RFX8: variants seen among roughly 807,000 people sequenced by gnomAD.
RFX8 encodes DNA-binding protein RFX8.
A neutral mutation model predicts 54.6 loss-of-function variants in RFX8; 46 were observed. The observed-to-expected ratio is 0.84, with a 90% confidence interval of 0.67 to 1.08. The LOEUF is 1.08. RFX8 is among the 50% of genes least tolerant of loss of function. The pLI is 0.00. For synonymous variants in RFX8, 192 were observed against 209.5 expected (o/e 0.92, Z 0.72); for missense variants, 536 against 562.3 (o/e 0.95, Z 0.47).
chr2:101,458,650 C>T (rs1301602232), intron 2 of RFX8, among the ~76,000 whole-genome samples: 1 of 152,148 alleles, frequency 6.6e-6, no homozygotes, highest in Non-Finnish European at 1.5e-5. Context: ...ACACTTTTTC[C>T]TTCATTTCAA....
At chr2:101,446,332 C>T (rs191795048) in intron 2 of RFX8, among the ~76,000 whole-genome samples, 1 of 152,230 alleles carries the variant, frequency 6.6e-6, no homozygotes, top group Non-Finnish European at 1.5e-5. Flanking sequence ...CGTGCCACCA[C>T]ACCTGGCTAA....
Position 101,421,754 on chromosome 2 carries a change from GT to G in RFX8, c.206del (p.Tyr69SerfsTer30). ...CNMMAFLADE[Y>X]CNYCRDILRN... ...GTAAAATGTCTCGACAATAGTTGCA[GT>G]ATTCGTCAGCAAGGAAGGCCATCTA... On this transcript the variant is annotated frameshift_variant, in exon 4 of 12. Coordinates refer to ENST00000428343, the MANE Select transcript of RFX8 (RefSeq NM_001145664.2). LOFTEE classifies it high-confidence loss of function. 1 of 1,550,088 alleles carries G rather than the reference GT, an allele frequency of 6.5e-7. No homozygotes were observed.
At chr2:101,427,709 A>T (rs745955688) in intron 2 of RFX8, among the ~76,000 whole-genome samples, 6 of 150,606 alleles carry the variant, frequency 4.0e-5, no homozygotes, top group South Asian at 2.1e-4. Flanking sequence ...CCTCTCCCGG[A>T]CCCCCAATTT....
rs372663857 is a variant in RFX8 at position 101,431,560 on chromosome 2, T to C, written c.73-9088A>G. On this transcript the variant is annotated intron_variant, in intron 2 of 11. Transcript: ENST00000428343. The stretch of plus-strand genomic sequence containing the variant: ...GACATTGATCCTCATGGGGCATTCC[T>C]ATAGGTACTCAGAAACAGATATTTC... 1.1e-4 allele frequency among the ~76,000 whole-genome samples: 17 copies of C among 152,196 alleles called. No homozygotes were observed. The East Asian group carries it at 1.9e-3, about 17-fold the overall frequency.
intron 10 of RFX8, among the ~76,000 whole-genome samples, chr2:101,403,136 C>T (rs908125): frequency 0.48 from 72,492 of 152,016 alleles, 17,886 homozygotes; most frequent in Non-Finnish European, 0.52. Flanking sequence ...TGGGAGGAAA[C>T]GGGGGCAGTG....
At chr2:101,472,743 C>T (rs1312772603) in intron 1 of RFX8, among the ~76,000 whole-genome samples, 2 of 152,224 alleles carry the variant, frequency 1.3e-5, no homozygotes, top group South Asian at 2.1e-4. Context: ...GAAGGCCCAG[C>T]GTGGTGGCTC....
chr2:101,430,963 T>C (rs372185156), intron 2 of RFX8, among the ~76,000 whole-genome samples: 10 of 152,336 alleles, frequency 6.6e-5, no homozygotes, highest in African/African-American at 2.4e-4. Flanking sequence ...TAAAAATTAG[T>C]TGTGAGACTT....
intron 2 of RFX8, among the ~76,000 whole-genome samples, chr2:101,433,059 A>G (rs561353282): frequency 2.5e-3 from 377 of 152,248 alleles, no homozygotes; most frequent in African/African-American, 8.4e-3. Context: ...AGAAGAGCCC[A>G]GATGGGGAAG....
At chr2:101,398,887 C>G (rs774896103) in intron 11 of RFX8, among the ~76,000 whole-genome samples, 2 of 152,140 alleles carry the variant, frequency 1.3e-5, no homozygotes, top group Non-Finnish European at 2.9e-5. Context: ...TCTCTAAATT[C>G]GACAAAAACC....
intron 2 of RFX8, among the ~76,000 whole-genome samples, chr2:101,451,149 A>G (rs1448645887): frequency 6.6e-6 from 1 of 152,158 alleles, no homozygotes; most frequent in Non-Finnish European, 1.5e-5. Flanking sequence ...AGGGGACTAT[A>G]GCAGCTTGTC....
chr2:101,397,840 A>G, intron 11 of RFX8, 116 bp from the exon 12 acceptor site: 1 of 808,874 alleles, frequency 1.2e-6, no homozygotes. Context: ...CTGGGATGTA[A>G]AGGAGAAGTT....
intron 1 of RFX8, among the ~76,000 whole-genome samples, chr2:101,468,991 AGT>A (rs1689739512): frequency 2.2e-4 from 28 of 125,080 alleles, no homozygotes; most frequent in African/African-American, 8.7e-4. Context: ...TATATATATA[AGT>A]ATATATATAC....
intron 1 of RFX8, among the ~76,000 whole-genome samples, chr2:101,472,098 T>C (rs1417337543): frequency 6.6e-6 from 1 of 152,190 alleles, no homozygotes; most frequent in East Asian, 1.9e-4. Flanking sequence ...CGATCTGTTT[T>C]GGGTTTTTTA....
chr2:101,434,882 G>T (rs535529940), intron 2 of RFX8: 1 of 152,394 alleles, frequency 6.6e-6, no homozygotes, highest in Admixed American at 6.5e-5. Flanking sequence ...CCTTGTTGGG[G>T]GGCCCTGGCC....
chr2:101,436,149 T>C (rs1211667714), intron 2 of RFX8, among the ~76,000 whole-genome samples: 1 of 152,120 alleles, frequency 6.6e-6, no homozygotes, highest in Non-Finnish European at 1.5e-5. Context: ...AATCAGAATT[T>C]CTAAATTTAC....
At chr2:101,465,328 A>C (rs182369912) in intron 2 of RFX8, among the ~76,000 whole-genome samples, 1 of 152,224 alleles carries the variant, frequency 6.6e-6, no homozygotes, top group Non-Finnish European at 1.5e-5. Flanking sequence ...AACATAGTGA[A>C]ACCCAGTCTC....
intron 2 of RFX8, among the ~76,000 whole-genome samples, chr2:101,424,373 T>G (rs1249815692): frequency 6.6e-6 from 1 of 152,238 alleles, no homozygotes; most frequent in Middle Eastern, 3.4e-3. Flanking sequence ...AAACAACAGG[T>G]GCTGGAGAGG....
chr2:101,437,987 C>T (rs1048394097), intron 2 of RFX8, among the ~76,000 whole-genome samples: 4 of 152,102 alleles, frequency 2.6e-5, no homozygotes, highest in Non-Finnish European at 4.4e-5. Flanking sequence ...TTTTTCCACT[C>T]AGCAAAATTC....
At position 101,410,618 on chromosome 2, in the gene RFX8, C is replaced by A. The variant is rs1262440097; in HGVS notation, c.813+1G>T. On this transcript the variant is annotated splice_donor_variant, in intron 9 of 11. Transcript: ENST00000428343. LOFTEE classifies it high-confidence loss of function. Reference sequence around the variant, plus strand: ...TTTTTTTTTAAGTCACAGCTTCCTACCTGGAACACAAATGCTTGGAGATGT... The same window carrying A: ...TTTTTTTTTAAGTCACAGCTTCCTAACTGGAACACAAATGCTTGGAGATGT... The A allele has an allele frequency of 3.6e-5, 54 of 1,489,218 alleles. No homozygotes were observed. The highest frequency in any genetic ancestry group is 4.9e-5 in the Non-Finnish European group (54 of 1,095,508). 92.3% of individuals were successfully genotyped at this position (1,489,218 alleles called of 1,614,324 possible). A position where few individuals can be genotyped will look rare whatever the true frequency, so the allele number is the denominator to read the frequency against.
Sources: allele counts gnomAD v4.1 joint callset (sites outside exome capture counted in the v4.1 genomes callset), GRCh38; gene constraint gnomAD v4.1.1; transcripts MANE v1.5; gene names NCBI Gene and HGNC (gene_info 2026-07-23, HGNC 2026-07-21).